Variants in GTF2H1 observed in about 807,000 individuals in gnomAD.
GTF2H1 encodes general transcription factor IIH subunit 1.
GTF2H1 carries 16 observed loss-of-function variants against 71.2 expected under a neutral mutation model. The ratio of observed to expected loss-of-function variants is 0.22; its 90% CI spans 0.15 to 0.34. The LOEUF (loss-of-function observed/expected upper bound fraction) is 0.34. GTF2H1 is among the 10% of genes least tolerant of loss of function. The pLI is 1.00. For missense variants in GTF2H1, 498 were observed against 648.2 expected (o/e 0.77, Z 2.52); for synonymous variants, 215 against 219.0 (o/e 0.98, Z 0.16).
intron 1 of GTF2H1, among the ~76,000 whole-genome samples, chr11:18,329,432 C>T (rs186124160): frequency 9.1e-4 from 139 of 152,340 alleles, no homozygotes; most frequent in Admixed American, 2.4e-3. Context: ...GCAACCATGA[C>T]GCTTCCTTCA....
chr11:18,339,297 C>T (rs1031050113), intron 4 of GTF2H1, among the ~76,000 whole-genome samples: 1 of 152,222 alleles, frequency 6.6e-6, no homozygotes, highest in African/African-American at 2.4e-5. Context: ...TAAAGCTCCA[C>T]TGCCTCTCTG....
chr11:18,326,799 A>AAAATT (rs1864778497), intron 1 of GTF2H1, among the ~76,000 whole-genome samples: 1 of 152,214 alleles, frequency 6.6e-6, no homozygotes, highest in African/African-American at 2.4e-5. Context: ...CAACATACTT[A>AAAATT]AAATTATTTG....
chr11:18,362,827 C>T (rs1271552648), intron 14 of GTF2H1, among the ~76,000 whole-genome samples: 2 of 151,618 alleles, frequency 1.3e-5, no homozygotes, highest in Admixed American at 1.3e-4. Context: ...CCCACCACCA[C>T]GCCCAGCTAA....
rs1864531489 is a variant in GTF2H1, at chr11:18,322,717, G to A, written c.-39G>A. ...GATCCAACCCAGTTAGTTACTTCCT[G>A]TCTAGAGTTGTAGCTTCCACCTGGT... On this transcript the variant is annotated 5_prime_UTR_variant, in exon 1 of 15. Coordinates refer to ENST00000265963, the MANE Select transcript of GTF2H1 (RefSeq NM_005316.4). The A allele has an allele frequency of 7.3e-6, 1 of 137,564 alleles. No homozygotes were observed. Among genetic ancestry groups the A allele is most frequent in the Non-Finnish European group, 1.5e-5 (1 of 65,070 alleles). The allele number at this position is 137,564 out of a possible 1,614,324, so 8.5% of individuals were successfully genotyped here.
chr11:18,359,704 ATTATTTTATT>A (rs1230216897), intron 13 of GTF2H1, among the ~76,000 whole-genome samples: 1 of 152,036 alleles, frequency 6.6e-6, no homozygotes, highest in Non-Finnish European at 1.5e-5. Context: ...AAAGACAATA[ATTATTTTATT>A]TTATTTTATT....
chr11:18,352,673 G>A (rs913812582), intron 11 of GTF2H1, among the ~76,000 whole-genome samples: 1 of 152,166 alleles, frequency 6.6e-6, no homozygotes, highest in African/African-American at 2.4e-5. Context: ...TGAATTTTGT[G>A]ATTTTTACTT....
intron 2 of GTF2H1, among the ~76,000 whole-genome samples, chr11:18,335,255 A>G (rs1315731981): frequency 6.6e-6 from 1 of 152,220 alleles, no homozygotes; most frequent in Non-Finnish European, 1.5e-5. Context: ...CTCACTTTTA[A>G]TGAGGCTAAG....
chr11:18,352,501 T>A, intron 11 of GTF2H1, 55 bp downstream of exon 11: 1 of 752,808 alleles, frequency 1.3e-6, no homozygotes, highest in Non-Finnish European at 2.4e-6. Context: ...TTCCTCAGTT[T>A]ATGAGCACAA....
At chr11:18,363,666 TATAATC>T (rs1432616638) in intron 14 of GTF2H1, among the ~76,000 whole-genome samples, 4 of 152,176 alleles carry the variant, frequency 2.6e-5, no homozygotes, top group Admixed American at 6.6e-5. Flanking sequence ...CAGCATTACT[TATAATC>T]AGATAGAAGC....
chr11:18,344,346 G>A (rs1406507697), intron 7 of GTF2H1, among the ~76,000 whole-genome samples: 2 of 152,068 alleles, frequency 1.3e-5, no homozygotes, highest in East Asian at 1.9e-4. Flanking sequence ...TAGGCCGGGC[G>A]TGGTGGCTCG....
intron 7 of GTF2H1, among the ~76,000 whole-genome samples, chr11:18,345,559 C>T (rs903830019): frequency 1.4e-5 from 2 of 147,176 alleles, no homozygotes; most frequent in South Asian, 2.1e-4. Context: ...AGTTCAGTGG[C>T]GTGATCTCAG....
At chr11:18,327,272 A>G (rs1864789838) in intron 1 of GTF2H1, among the ~76,000 whole-genome samples, 1 of 152,182 alleles carries the variant, frequency 6.6e-6, no homozygotes, top group African/African-American at 2.4e-5. Context: ...CTAGTATAAA[A>G]TACATAATTA....
intron 11 of GTF2H1, 139 bp from the exon 12 acceptor site, chr11:18,357,813 A>AC: frequency 1.5e-6 from 1 of 686,596 alleles, no homozygotes; most frequent in Non-Finnish European, 2.7e-6. Flanking sequence ...GTTCACTTTG[A>AC]CCACTGTAAA....
At position 18,339,618 on chromosome 11, in the gene GTF2H1, T is replaced by G; in HGVS notation, c.568T>G (p.Ser190Ala). 1 of 1,612,700 alleles carries G rather than the reference T, an allele frequency of 6.2e-7. No individual in the cohort carries two copies. The highest frequency in any genetic ancestry group is 8.5e-7 in the Non-Finnish European group (1 of 1,178,730). ...TAACGGTCTAAGATATAATTTAACTTCTGATATCATTGAGTCCATATTTAG... is the reference window on the plus strand; with the variant it reads ...TAACGGTCTAAGATATAATTTAACTGCTGATATCATTGAGTCCATATTTAG... ...GCNGLRYNLT[S>A]DIIESIFRTY... The change falls in exon 5 of 15, where the codon TCT becomes GCT. Residue 190 changes from serine to alanine, a missense_variant. This residue lies in a region of GTF2H1 where 216 missense variants were observed against 306.2 expected (regional missense o/e 0.71). Transcript: ENST00000265963.
chr11:18,344,214 C>T (rs1326247383), intron 7 of GTF2H1, among the ~76,000 whole-genome samples: 1 of 152,210 alleles, frequency 6.6e-6, no homozygotes, highest in Non-Finnish European at 1.5e-5. Context: ...CAAACGCTTA[C>T]ACCCTTTCAT....
At chr11:18,364,808 CTG>C in intron 14 of GTF2H1, among the ~76,000 whole-genome samples, 1 of 152,152 alleles carries the variant, frequency 6.6e-6, no homozygotes, top group Non-Finnish European at 1.5e-5. Flanking sequence ...AAATAGCAAA[CTG>C]TTTCACAAAA....
intron 11 of GTF2H1, among the ~76,000 whole-genome samples, chr11:18,353,283 G>T (rs374859925): frequency 6.6e-6 from 1 of 152,096 alleles, no homozygotes; most frequent in South Asian, 2.1e-4. Flanking sequence ...TTATCACTGC[G>T]GCTTGAAAAC....
chr11:18,341,463 A>G lies in GTF2H1; in HGVS notation c.757+53A>G, dbSNP rs1590188475. 112 of 1,605,772 alleles carry G rather than the reference A, an allele frequency of 7.0e-5. No individual in the cohort carries two copies. In the South Asian group the frequency reaches 1.2e-3, roughly 18 times the overall value. Reference sequence around the variant, plus strand: ...GTATTTAACTTGCCACCCTCTAGACATTATAAGTGTTAATTTCTGAGACAG... The same window carrying G: ...GTATTTAACTTGCCACCCTCTAGACGTTATAAGTGTTAATTTCTGAGACAG... On this transcript the variant is annotated intron_variant, in intron 6 of 14. Coordinates refer to ENST00000265963, the MANE Select transcript of GTF2H1 (RefSeq NM_005316.4).
chr11:18,363,952 T>C (rs1865763845), intron 14 of GTF2H1, among the ~76,000 whole-genome samples: 1 of 152,064 alleles, frequency 6.6e-6, no homozygotes, highest in South Asian at 2.1e-4. Flanking sequence ...CAAGTGCCCC[T>C]AATCCCAGCT....
Sources: allele counts gnomAD v4.1 joint callset (sites outside exome capture counted in the v4.1 genomes callset), GRCh38; gene constraint gnomAD v4.1.1; regional missense constraint gnomAD v4.1.1; transcripts MANE v1.5; gene names NCBI Gene and HGNC (gene_info 2026-07-23, HGNC 2026-07-21).